ADAMTS17: variants seen among roughly 807,000 people sequenced by gnomAD.
ADAMTS17 encodes ADAM metallopeptidase with thrombospondin type 1 motif 17.
A neutral mutation model predicts 141.5 loss-of-function variants in ADAMTS17; 113 were observed. The observed-to-expected ratio is 0.80, with a 90% confidence interval of 0.69 to 0.93. The LOEUF is 0.93. ADAMTS17 is among the 40% of genes least tolerant of loss of function. The probability of loss-of-function intolerance (pLI) is 0.00; values close to 1 mark genes in which losing one functional copy is unlikely to be tolerated. For missense variants in ADAMTS17, 1,659 were observed against 1,517.9 expected, an observed-to-expected ratio of 1.09 and a Z score of -1.54; for synonymous variants, 768 against 630.6, an observed-to-expected ratio of 1.22 and a Z score of -3.27.
At chr15:100,091,010 C>CAACAAAAAAAAAAAAAAAAAA (rs1555446585) in intron 15 of ADAMTS17, among the ~76,000 whole-genome samples, 8 of 54,606 alleles carry the variant, frequency 1.5e-4, no homozygotes, top group East Asian at 5.6e-4. Flanking sequence ...TCCGTCTCAA[C>CAACAAAAAAAAAAAAAAAAAA]AAAAAAAAAA....
chr15:100,154,381 GA>G (rs1256724729), intron 9 of ADAMTS17, among the ~76,000 whole-genome samples: 1 of 152,202 alleles, frequency 6.6e-6, no homozygotes, highest in Non-Finnish European at 1.5e-5. Context: ...GGAACGTCAT[GA>G]AAAAAGACCC....
chr15:100,070,129 T>C (rs994680164), intron 15 of ADAMTS17, among the ~76,000 whole-genome samples: 4 of 149,646 alleles, frequency 2.7e-5, no homozygotes, highest in African/African-American at 9.9e-5. Context: ...CCAACAAAGA[T>C]CAAAAGAGAC....
At chr15:100,014,313 T>C (rs1476100132) in intron 18 of ADAMTS17, among the ~76,000 whole-genome samples, 1 of 152,186 alleles carries the variant, frequency 6.6e-6, no homozygotes, top group Non-Finnish European at 1.5e-5. Context: ...CTACCAATTT[T>C]ATTTATCTTT....
chr15:100,332,463 A>G (rs1264032946), intron 2 of ADAMTS17, among the ~76,000 whole-genome samples: 1 of 152,186 alleles, frequency 6.6e-6, no homozygotes, highest in Non-Finnish European at 1.5e-5. Flanking sequence ...TCCCCAGAGG[A>G]TACGCTTCAC....
rs2061248772 is a variant in ADAMTS17 at position 100,014,422 on chromosome 15, G to C, written c.2592-16833C>G. 2.6e-5 allele frequency among the ~76,000 whole-genome samples: 4 copies of C among 151,838 alleles called. No individual in the cohort carries two copies. The South Asian group carries it at 8.3e-4, about 32-fold the overall frequency. ...CCTTTCTTTTGCTGGGCTTGTTCTT[G>C]TTTCTCTAGTTCCTTGAGGTGTGAC... On this transcript the variant is annotated intron_variant, in intron 18 of 21. Transcript: ENST00000268070.
chr15:100,292,405 A>G (rs1474525753), intron 3 of ADAMTS17, among the ~76,000 whole-genome samples: 6 of 144,842 alleles, frequency 4.1e-5, no homozygotes, highest in Admixed American at 1.4e-4. Context: ...TACGAGAGAC[A>G]CTCACCCCGT....
intron 4 of ADAMTS17, among the ~76,000 whole-genome samples, chr15:100,280,121 C>G (rs1328845922): frequency 6.6e-6 from 1 of 152,184 alleles, no homozygotes. Flanking sequence ...CCAGGTCCCT[C>G]TTTCCCACCA....
intron 3 of ADAMTS17, among the ~76,000 whole-genome samples, chr15:100,305,554 G>A (rs908583008): frequency 3.3e-5 from 5 of 152,234 alleles, no homozygotes; most frequent in African/African-American, 4.8e-5. Flanking sequence ...GCAGGCAGGT[G>A]CACCCAGGGG....
Position 100,341,050 on chromosome 15 carries a change from C to A in ADAMTS17, c.439G>T (p.Ala147Ser). The A allele has an allele frequency of 6.6e-7, 1 of 1,523,060 alleles. No individual in the cohort carries two copies. The highest frequency in any genetic ancestry group is 8.8e-7 in the Non-Finnish European group (1 of 1,140,264). 94.3% of individuals were successfully genotyped at this position (1,523,060 alleles called of 1,614,324 possible). ...GGCGCGGGCAGTACCAGGCCGCCGG[C>A]GGCGCCGCAGGCGCTGAGCGAGACG... ...SLVSLSACGAAGGLVGLIQLG... is the reference protein window; with the variant it reads ...SLVSLSACGASGGLVGLIQLG... The change falls in exon 2 of 22, where the codon GCC (alanine) becomes TCC (serine). Residue 147 changes from alanine to serine, a missense_variant. Transcript: ENST00000268070.
chr15:100,096,754 G>A lies in ADAMTS17; in HGVS notation c.2017-278C>T, dbSNP rs531891368. 1.1e-3 allele frequency among the ~76,000 whole-genome samples: 160 copies of A among 152,348 alleles called. 4 individuals are homozygous for A. In the South Asian group the frequency reaches 0.029, roughly 28 times the overall value. On this transcript the variant is annotated intron_variant, in intron 14 of 21. Coordinates refer to ENST00000268070, the MANE Select transcript of ADAMTS17 (RefSeq NM_139057.4). ...CCATGAAGGCACAAGTGCCCATGGG[G>A]GTCACGCTGAGGCCTGACGCCCTGA...
intron 15 of ADAMTS17, among the ~76,000 whole-genome samples, chr15:100,080,416 G>C (rs1039199590): frequency 6.6e-5 from 8 of 120,396 alleles, no homozygotes; most frequent in African/African-American, 3.5e-4. Flanking sequence ...TGGAATACAG[G>C]AGATCCATTA....
Position 100,278,114 on chromosome 15 carries a change from T to C in ADAMTS17, c.789+3115A>G, listed in dbSNP as rs181576062. Among the ~76,000 whole-genome samples the C allele has an allele frequency of 3.2e-4, 48 of 151,018 alleles. No individual in the cohort carries two copies. The East Asian group carries it at 9.2e-3, about 29-fold the overall frequency. ...TCATCAGATTCACACAGATAGAAAG[T>C]AGAATGGAGGTTGGCAGGGGCTGGG... On this transcript the variant is annotated intron_variant, in intron 4 of 21. Transcript: ENST00000268070.
At chr15:100,223,605 G>A (rs1337336721) in intron 7 of ADAMTS17, among the ~76,000 whole-genome samples, 1 of 151,752 alleles carries the variant, frequency 6.6e-6, no homozygotes, top group African/African-American at 2.4e-5. Flanking sequence ...TGTCCTGGTG[G>A]CCCACATATG....
At chr15:100,037,105 A>T (rs1206550500) in intron 18 of ADAMTS17, among the ~76,000 whole-genome samples, 2 of 152,172 alleles carry the variant, frequency 1.3e-5, no homozygotes, top group African/African-American at 4.8e-5. Context: ...ATAATAACTC[A>T]AGCAGAACTT....
rs2060378886 is a variant in ADAMTS17 at position 99,977,389 on chromosome 15, TATATATATATA to T, written c.2950-1178_2950-1168del. Among the ~76,000 whole-genome samples, 5 of 12,908 alleles carry T rather than the reference TATATATATATA, an allele frequency of 3.9e-4. 1 individual carries two copies. Among genetic ancestry groups the T allele is most frequent in the African/African-American group, 9.6e-4 (3 of 3,132 alleles). 8.5% of individuals were successfully genotyped at this position (12,908 alleles called of 152,430 possible). A position where few individuals can be genotyped will look rare whatever the true frequency, so the allele number is the denominator to read the frequency against. On this transcript the variant is annotated intron_variant, in intron 20 of 21. Transcript: ENST00000268070. The stretch of plus-strand genomic sequence containing the variant: ...ATATATATATATATATATATATATA[TATATATATATA>T]ATTTTTTTTTTTTTTTTTTTTTTTT...
rs376171966 is a variant in ADAMTS17, at chr15:100,261,606, G to A, written c.904C>T (p.Arg302Trp). Reference protein sequence around the residue: ...AKLSIGHHGERSLESFCHWQN... With the variant: ...AKLSIGHHGEWSLESFCHWQN... ...CAGTGACAGAAGCTCTCCAGGGACC[G>A]CTCACCATGGTGCCCAATGGACAAC... The change falls in exon 6 of 22, where the codon CGG becomes TGG. Residue 302 changes from arginine to tryptophan, a missense_variant. By Grantham distance (101) the Arg-to-Trp change is moderately radical. Transcript: ENST00000268070. 2.4e-5 allele frequency: 39 copies of A among 1,613,794 alleles called. No individual in the cohort carries two copies. The East Asian group carries it at 2.9e-4, about 12-fold the overall frequency.
At chr15:100,336,268 G>T (rs1046042824) in intron 2 of ADAMTS17, among the ~76,000 whole-genome samples, 1 of 152,208 alleles carries the variant, frequency 6.6e-6, no homozygotes, top group African/African-American at 2.4e-5. Flanking sequence ...ATGAAGCCCT[G>T]AGTAATCAGG....
Position 100,054,163 on chromosome 15 carries a change from A to G in ADAMTS17, c.2138-109T>C. 3.9e-6 allele frequency: 5 copies of G among 1,282,856 alleles called. No individual in the cohort carries two copies. In the East Asian group the frequency reaches 1.2e-4, roughly 30 times the overall value. 79.5% of individuals were successfully genotyped at this position (1,282,856 alleles called of 1,614,324 possible). On this transcript the variant is annotated intron_variant, in intron 15 of 21. Coordinates refer to ENST00000268070, the MANE Select transcript of ADAMTS17 (RefSeq NM_139057.4). ...TGAGTGGGGCAGAGGTCTCCCTTCCACAGGGGGAAGGAGGGAGGCCTGAAG... is the reference window on the plus strand; with the variant it reads ...TGAGTGGGGCAGAGGTCTCCCTTCCGCAGGGGGAAGGAGGGAGGCCTGAAG...
At chr15:100,300,651 C>T (rs150408797) in intron 3 of ADAMTS17, among the ~76,000 whole-genome samples, 452 of 152,358 alleles carry the variant, frequency 3.0e-3, no homozygotes, top group Non-Finnish European at 4.7e-3. Flanking sequence ...CACAAATGCA[C>T]TAGAACCCCT....
Sources: allele counts gnomAD v4.1 joint callset (sites outside exome capture counted in the v4.1 genomes callset), GRCh38; gene constraint gnomAD v4.1.1; transcripts MANE v1.5; gene names NCBI Gene and HGNC (gene_info 2026-07-23, HGNC 2026-07-21).